GRID2: variants seen among roughly 807,000 people sequenced by gnomAD.
GRID2 encodes glutamate receptor ionotropic, delta-2.
A neutral mutation model predicts 114.8 loss-of-function variants in GRID2; 33 were observed. The observed-to-expected ratio is 0.29, with a 90% CI of 0.22 to 0.38. The LOEUF (loss-of-function observed/expected upper bound fraction) is 0.38, where lower values mean the gene tolerates loss of function less well. GRID2 is among the 10% of genes least tolerant of loss of function. GRID2 has a pLI of 1.00. For synonymous variants in GRID2, 505 were observed against 449.9 expected, an observed-to-expected ratio of 1.12 and a Z score of -1.55; for missense variants, 1,184 against 1,257.7, an observed-to-expected ratio of 0.94 and a Z score of 0.89.
intron 4 of GRID2, among the ~76,000 whole-genome samples, chr4:93,148,920 C>T (rs1579120175): frequency 6.6e-6 from 1 of 152,118 alleles, no homozygotes; most frequent in Non-Finnish European, 1.5e-5. Context: ...TAGTACAAAT[C>T]GATTTCATGT....
intron 8 of GRID2, among the ~76,000 whole-genome samples, chr4:93,365,276 C>T (rs1289603780): frequency 1.3e-5 from 2 of 152,034 alleles, no homozygotes; most frequent in Non-Finnish European, 2.9e-5. Context: ...TTATTTTTGT[C>T]AATAGTTAAA....
intron 2 of GRID2, among the ~76,000 whole-genome samples, chr4:92,818,174 C>G (rs568571373): frequency 2.0e-5 from 3 of 152,100 alleles, no homozygotes. Flanking sequence ...AACTTTATGT[C>G]TGTTATTCCC....
chr4:93,532,603 AGCT>A (rs1280852991), intron 13 of GRID2, among the ~76,000 whole-genome samples: 1 of 152,190 alleles, frequency 6.6e-6, no homozygotes, highest in Non-Finnish European at 1.5e-5. Context: ...AAGCTCAAGA[AGCT>A]TTTATCAGCT....
At position 93,085,211 on chromosome 4, in the gene GRID2, A is replaced by G; in HGVS notation, c.461A>G (p.Asp154Gly). Reference protein sequence around the residue: ...LSVRPPVYLHDVILRVVTEYA... With the variant: ...LSVRPPVYLHGVILRVVTEYA... ...GTTCGCCCACCTGTCTACTTGCATG[A>G]TGTTATCCTAAGAGTGGTCACAGAG... The change falls in exon 3 of 16, where the codon GAT (aspartate) becomes GGT (glycine). Residue 154 changes from aspartate (D) to glycine (G), a missense_variant. By Grantham distance (94) the Asp-to-Gly change is moderately conservative. Coordinates refer to ENST00000282020, the MANE Select transcript of GRID2 (RefSeq NM_001510.4). The G allele has an allele frequency of 6.2e-7, 1 of 1,613,732 alleles. No individual in the cohort carries two copies. Among genetic ancestry groups the G allele is most frequent in the South Asian group, 1.1e-5 (1 of 91,072 alleles).
chr4:93,295,942 G>C (rs913275594), intron 8 of GRID2, among the ~76,000 whole-genome samples: 1 of 152,186 alleles, frequency 6.6e-6, no homozygotes, highest in African/African-American at 2.4e-5. Context: ...TTGTGAATTT[G>C]ACTACAGCAG....
chr4:92,502,474 A>G (rs1723732638), intron 1 of GRID2, among the ~76,000 whole-genome samples: 1 of 152,014 alleles, frequency 6.6e-6, no homozygotes, highest in Admixed American at 6.6e-5. Context: ...AGTTTGATTA[A>G]ATATAACATA....
At chr4:93,456,671 A>G (rs1230841465) in intron 11 of GRID2, among the ~76,000 whole-genome samples, 1 of 152,200 alleles carries the variant, frequency 6.6e-6, no homozygotes, top group Non-Finnish European at 1.5e-5. Context: ...AGAATGAAAT[A>G]GTAAGAAAAT....
At chr4:92,826,122 C>T (rs1741681117) in intron 2 of GRID2, among the ~76,000 whole-genome samples, 2 of 152,048 alleles carry the variant, frequency 1.3e-5, no homozygotes, top group Admixed American at 6.6e-5. Flanking sequence ...GCTAGAAATC[C>T]TATGTAATCT....
At chr4:92,959,600 C>A (rs1752652698) in intron 2 of GRID2, among the ~76,000 whole-genome samples, 1 of 151,974 alleles carries the variant, frequency 6.6e-6, no homozygotes, top group Non-Finnish European at 1.5e-5. Flanking sequence ...GACTTGGAAC[C>A]AACCCAAATG....
intron 8 of GRID2, among the ~76,000 whole-genome samples, chr4:93,363,381 G>C (rs987543009): frequency 4.6e-5 from 7 of 152,136 alleles, no homozygotes; most frequent in Non-Finnish European, 1.0e-4. Flanking sequence ...AGCCCTCGAT[G>C]TGGTTAAGAG....
intron 1 of GRID2, among the ~76,000 whole-genome samples, chr4:92,417,368 C>A (rs1303729762): frequency 1.3e-5 from 2 of 151,918 alleles, no homozygotes; most frequent in Non-Finnish European, 2.9e-5. Context: ...ACTATGTTCC[C>A]CAAAATTCAT....
chr4:93,699,182 C>A (rs1230576735), intron 14 of GRID2, among the ~76,000 whole-genome samples: 3 of 151,880 alleles, frequency 2.0e-5, no homozygotes, highest in African/African-American at 7.3e-5. Context: ...AAGAAAATTA[C>A]CAATTTTTTA....
intron 8 of GRID2, among the ~76,000 whole-genome samples, chr4:93,371,484 G>A (rs552461523): frequency 2.6e-5 from 4 of 151,540 alleles, no homozygotes; most frequent in East Asian, 3.9e-4. Flanking sequence ...TTACTCAATC[G>A]TTCCAGAAAA....
intron 12 of GRID2, among the ~76,000 whole-genome samples, chr4:93,512,023 G>A: frequency 6.6e-6 from 1 of 151,868 alleles, no homozygotes; most frequent in East Asian, 1.9e-4. Context: ...CTGACCTCAA[G>A]TGATCCACCC....
intron 10 of GRID2, among the ~76,000 whole-genome samples, chr4:93,438,538 G>C (rs1721320302): frequency 1.3e-5 from 2 of 152,058 alleles, no homozygotes; most frequent in South Asian, 4.1e-4. Context: ...AGGTAGGCCT[G>C]AGAATGCATT....
intron 8 of GRID2, among the ~76,000 whole-genome samples, chr4:93,329,172 C>A (rs1579698743): frequency 2.6e-5 from 4 of 152,152 alleles, no homozygotes; most frequent in Admixed American, 2.6e-4. Context: ...GAAGGAAGAA[C>A]TAGTCAGGAA....
chr4:93,598,711 GA>G (rs1739361001), intron 13 of GRID2, among the ~76,000 whole-genome samples: 1 of 152,240 alleles, frequency 6.6e-6, no homozygotes, highest in African/African-American at 2.4e-5. Context: ...TCTTGAAGGA[GA>G]ATGCACCTCT....
At chr4:92,712,819 C>T (rs1735320118) in intron 2 of GRID2, among the ~76,000 whole-genome samples, 1 of 151,996 alleles carries the variant, frequency 6.6e-6, no homozygotes. Context: ...TTTAGCTTCA[C>T]ATGAATTACC....
chr4:93,020,925 C>T (rs933654224), intron 2 of GRID2, among the ~76,000 whole-genome samples: 7 of 151,210 alleles, frequency 4.6e-5, no homozygotes, highest in Non-Finnish European at 1.0e-4. Flanking sequence ...CCAGCTACTC[C>T]GTAGGGTGAG....
Sources: gnomAD v4.1 joint callset for allele counts (sites outside exome capture counted in the v4.1 genomes callset) on GRCh38, gnomAD v4.1.1 for gene constraint, MANE v1.5 for transcripts, NCBI Gene and HGNC (gene_info 2026-07-23, HGNC 2026-07-21) for gene names.